The following EPHA5 variants were observed in gnomAD, a reference collection of about 807,000 sequenced individuals.
The protein encoded by EPHA5 is ephrin type-A receptor 5.
A neutral mutation model predicts 105.0 loss-of-function variants in EPHA5; 60 were observed. That is an observed-to-expected ratio of 0.57 (90% CI 0.46 to 0.71). The LOEUF (loss-of-function observed/expected upper bound fraction) is 0.71, where lower values mean the gene tolerates loss of function less well. Among genes scored for constraint, EPHA5 ranks in the 30% least tolerant of loss-of-function variants. The pLI is 0.00. For synonymous variants in EPHA5, 513 were observed against 449.1 expected (o/e 1.14, Z -1.80); for missense variants, 1,218 against 1,274.7 (o/e 0.96, Z 0.68).
chr4:65,631,673 C>G (rs1301580735), intron 2 of EPHA5, among the ~76,000 whole-genome samples: 2 of 151,248 alleles, frequency 1.3e-5, no homozygotes, highest in Non-Finnish European at 2.9e-5. Flanking sequence ...TAAGTCAAAT[C>G]TAAAGGGTAG....
chr4:65,564,085 A>C (rs1739288006), intron 3 of EPHA5, among the ~76,000 whole-genome samples: 1 of 151,978 alleles, frequency 6.6e-6, no homozygotes. Context: ...TAAACAAACA[A>C]ACAAAAAATG....
chr4:65,540,085 C>T (rs1202695736), intron 3 of EPHA5, among the ~76,000 whole-genome samples: 2 of 151,336 alleles, frequency 1.3e-5, no homozygotes, highest in African/African-American at 4.8e-5. Flanking sequence ...CAGCACCATG[C>T]ATGAAATTAA....
rs549436090 is a variant in EPHA5, at chr4:65,499,257, CCTT to C, written c.911-3717_911-3715del. Among the ~76,000 whole-genome samples the C allele has an allele frequency of 3.6e-4, 54 of 151,746 alleles. No individual in the cohort carries two copies. The South Asian group carries it at 0.011, about 31-fold the overall frequency. Reference sequence around the variant, plus strand: ...TCTATCAAAATAGAATAAAATGTATCCTTCTTCATATCAAATAAAATTATCTGT... The same window carrying C: ...TCTATCAAAATAGAATAAAATGTATCCTTCATATCAAATAAAATTATCTGT... On this transcript the variant is annotated intron_variant, in intron 3 of 16. Transcript: ENST00000613740.
chr4:65,409,089 A>T (rs1722656705), intron 7 of EPHA5, among the ~76,000 whole-genome samples: 1 of 143,808 alleles, frequency 7.0e-6, no homozygotes, highest in South Asian at 2.3e-4. Flanking sequence ...CTATCACAAG[A>T]ACAAAAAACC....
chr4:65,327,575 A>G (rs1189736042), intron 16 of EPHA5, among the ~76,000 whole-genome samples: 6 of 151,298 alleles, frequency 4.0e-5, no homozygotes, highest in African/African-American at 9.7e-5. Context: ...TAAGGTGAAG[A>G]GATTTAGAAG....
chr4:65,641,801 T>TA (rs1345434440), intron 2 of EPHA5, among the ~76,000 whole-genome samples: 3 of 151,868 alleles, frequency 2.0e-5, no homozygotes, highest in African/African-American at 7.3e-5. Context: ...CCTTATTGTT[T>TA]AAAAAACAGA....
At chr4:65,414,550 T>C (rs1362984471) in intron 6 of EPHA5, 107 bp from the exon 7 acceptor site, 2 of 1,179,430 alleles carry the variant, frequency 1.7e-6, no homozygotes, top group Non-Finnish European at 2.4e-6. Context: ...CAAAGGACTC[T>C]ATTAGTACAA....
In EPHA5 at chr4:65,563,642, C is replaced by T. The variant is rs565390560; in HGVS notation, c.910+37999G>A. 2.0e-5 allele frequency among the ~76,000 whole-genome samples: 3 copies of T among 151,964 alleles called. No homozygotes were observed. In the South Asian group the frequency reaches 6.2e-4, roughly 32 times the overall value. ...CATAAATCATGTGTAGCAGAAAGTA[C>T]CAAATCCACATATCCTGTTCTAAAT... is the stretch of plus-strand genomic sequence containing the variant. On this transcript the variant is annotated intron_variant, in intron 3 of 16. Transcript: ENST00000613740.
chr4:65,477,388 T>A (rs1219343789), intron 5 of EPHA5, among the ~76,000 whole-genome samples: 3 of 152,010 alleles, frequency 2.0e-5, no homozygotes, highest in African/African-American at 7.2e-5. Context: ...GGGGAATCAC[T>A]TCATGTTTTT....
At chr4:65,650,559 C>CAAAAAAA (rs59357895) in intron 1 of EPHA5, among the ~76,000 whole-genome samples, 5 of 117,012 alleles carry the variant, frequency 4.3e-5, no homozygotes, top group Admixed American at 8.6e-5. Flanking sequence ...GACTCAGTCT[C>CAAAAAAA]AAAAAAAAAA....
chr4:65,333,645 A>C (rs1389670963), intron 15 of EPHA5, among the ~76,000 whole-genome samples: 1 of 125,882 alleles, frequency 7.9e-6, no homozygotes, highest in Non-Finnish European at 1.7e-5. Context: ...CTGACTTTAA[A>C]ACTCTAAGGG....
At chr4:65,569,312 A>G (rs779936047) in intron 3 of EPHA5, among the ~76,000 whole-genome samples, 5 of 151,590 alleles carry the variant, frequency 3.3e-5, no homozygotes, top group Non-Finnish European at 7.4e-5. Context: ...TTTTATCTTA[A>G]TTAGTACAAT....
intron 3 of EPHA5, among the ~76,000 whole-genome samples, chr4:65,569,765 T>C (rs1373810421): frequency 6.6e-6 from 1 of 151,700 alleles, no homozygotes; most frequent in African/African-American, 2.4e-5. Flanking sequence ...TCTTTGCCAT[T>C]TCACCTCAAA....
intron 2 of EPHA5, among the ~76,000 whole-genome samples, chr4:65,621,506 G>T (rs1017971580): frequency 6.6e-6 from 1 of 152,112 alleles, no homozygotes; most frequent in Non-Finnish European, 1.5e-5. Flanking sequence ...ATTATGAGCA[G>T]CAGAAAGTTT....
At chr4:65,476,086 G>A (rs907337370) in intron 5 of EPHA5, among the ~76,000 whole-genome samples, 3 of 147,020 alleles carry the variant, frequency 2.0e-5, no homozygotes, top group African/African-American at 5.1e-5. Flanking sequence ...AACACTCCCT[G>A]CATCAAAATC....
intron 3 of EPHA5, among the ~76,000 whole-genome samples, chr4:65,569,324 AT>A (rs1560709616): frequency 6.6e-6 from 1 of 151,634 alleles, no homozygotes; most frequent in East Asian, 1.9e-4. Context: ...TAGTACAATT[AT>A]TTCCTAAGTG....
In EPHA5 at chr4:65,473,538, T is replaced by A. The variant is rs370836762; in HGVS notation, c.1402+16839A>T. ...ACAGGCAAAACAGAGAGAGAGCAAG[T>A]GCAGGAAAAACTGCCTGATAAAACC... On this transcript the variant is annotated intron_variant, in intron 5 of 16. Coordinates refer to ENST00000613740, the MANE Select transcript of EPHA5 (RefSeq NM_001281766.3). 2.5e-4 allele frequency among the ~76,000 whole-genome samples: 38 copies of A among 152,208 alleles called. No homozygotes were observed. In the South Asian group the frequency reaches 7.9e-3, roughly 32 times the overall value.
chr4:65,390,903 T>A (rs1720652057), intron 8 of EPHA5, among the ~76,000 whole-genome samples: 1 of 151,926 alleles, frequency 6.6e-6, no homozygotes, highest in South Asian at 2.1e-4. Flanking sequence ...ATAATTGGTG[T>A]ATTAGTTTGT....
intron 8 of EPHA5, among the ~76,000 whole-genome samples, chr4:65,393,217 C>T (rs781528493): frequency 1.3e-5 from 2 of 152,114 alleles, no homozygotes; most frequent in African/African-American, 4.8e-5. Flanking sequence ...TCTCAGTCCA[C>T]GTGCTTTGTA....
Sources: allele counts gnomAD v4.1 joint callset (sites outside exome capture counted in the v4.1 genomes callset), GRCh38; gene constraint gnomAD v4.1.1; transcripts MANE v1.5; gene names NCBI Gene and HGNC (gene_info 2026-07-23, HGNC 2026-07-21).